CUX1: variants seen among roughly 807,000 people sequenced by gnomAD.
The protein encoded by CUX1 is protein CASP.
In CUX1, 31 loss-of-function variants were observed where a neutral mutation model predicts 158.8. The observed-to-expected ratio is 0.20, with a 90% confidence interval of 0.15 to 0.26. The LOEUF is 0.26. Among genes scored for constraint, CUX1 ranks in the 10% least tolerant of loss-of-function variants. The pLI is 1.00. For synonymous variants in CUX1, 879 were observed against 862.1 expected, an observed-to-expected ratio of 1.02 and a Z score of -0.34; for missense variants, 1,589 against 2,014.6, an observed-to-expected ratio of 0.79 and a Z score of 4.04.
In CUX1 at chr7:101,946,167, G is replaced by C. The variant is rs1014732034; in HGVS notation, c.141+29942G>C. ...ACCAAAACCAGTCTTGGAGCGACAG[G>C]TGGGTCAGACGGCAGCTTTCTCTGG... On this transcript the variant is annotated intron_variant, in intron 2 of 23. Transcript: ENST00000292535. 2.0e-5 allele frequency among the ~76,000 whole-genome samples: 3 copies of C among 152,158 alleles called. No homozygotes were observed. In the East Asian group the frequency reaches 5.8e-4, roughly 29 times the overall value.
intron 18 of CUX1, 137 bp from the exon 19 acceptor site, chr7:102,204,254 G>C: frequency 8.9e-7 from 1 of 1,119,118 alleles, no homozygotes; most frequent in Non-Finnish European, 1.3e-6. Context: ...AGCTGTCACC[G>C]CCACCAGGCC....
At chr7:101,858,826 C>T (rs778789621) in intron 1 of CUX1, among the ~76,000 whole-genome samples, 1 of 151,990 alleles carries the variant, frequency 6.6e-6, no homozygotes, top group Non-Finnish European at 1.5e-5. Context: ...CTACCATGCT[C>T]GGCTAATTTT....
In CUX1 at chr7:102,103,118, C is replaced by G. The variant is rs6957854; in HGVS notation, c.407-1218C>G. 4.3e-3 allele frequency among the ~76,000 whole-genome samples: 654 copies of G among 152,236 alleles called. 4 individuals are homozygous for G. Among genetic ancestry groups the G allele is most frequent in the African/African-American group, 0.015 (636 of 41,546 alleles). On this transcript the variant is annotated intron_variant, in intron 5 of 23. Transcript: ENST00000292535. The stretch of plus-strand genomic sequence containing the variant: ...AAGACAGCCCTGCCTCCCAAGGGGC[C>G]CCTCGCTGCCCCACATCCTTGGTGC...
At position 102,195,696 on chromosome 7, in the gene CUX1, T is replaced by G. The variant is rs1794732956; in HGVS notation, c.1222+93T>G. On this transcript the variant is annotated intron_variant, in intron 14 of 23. Coordinates refer to ENST00000292535, the MANE Select transcript of CUX1 (RefSeq NM_181552.4). Reference sequence around the variant, plus strand: ...AAGGTGAATCGTGAGTCTGGACAGATGCATGGCCAGAGAAGCGCCGGTTGA... The same window carrying G: ...AAGGTGAATCGTGAGTCTGGACAGAGGCATGGCCAGAGAAGCGCCGGTTGA... 6 of 1,156,158 alleles carry G rather than the reference T, an allele frequency of 5.2e-6. No homozygotes were observed. In the South Asian group the frequency reaches 9.0e-5, roughly 17 times the overall value. 71.6% of individuals were successfully genotyped at this position (1,156,158 alleles called of 1,614,324 possible).
chr7:101,897,640 T>C (rs1353771369), intron 1 of CUX1, among the ~76,000 whole-genome samples: 1 of 152,228 alleles, frequency 6.6e-6, no homozygotes, highest in East Asian at 1.9e-4. Flanking sequence ...GCGCAGGTCA[T>C]GGGCAACAGT....
intron 20 of CUX1, among the ~76,000 whole-genome samples, chr7:102,219,214 G>A (rs1403534668): frequency 6.6e-6 from 1 of 152,008 alleles, no homozygotes; most frequent in Non-Finnish European, 1.5e-5. Context: ...GTGTGTGAGA[G>A]AGAGAGAGAA....
chr7:102,228,388 T>C (rs1314151689), intron 21 of CUX1, among the ~76,000 whole-genome samples: 1 of 151,978 alleles, frequency 6.6e-6, no homozygotes, highest in Non-Finnish European at 1.5e-5. Context: ...GCTGGACATG[T>C]TGATGTGCAC....
chr7:102,216,598 CCACA>C lies in CUX1; in HGVS notation c.3131-10755_3131-10752del, dbSNP rs782225410. On this transcript the variant is annotated intron_variant, in intron 20 of 23. Transcript: ENST00000292535. Reference sequence around the variant, plus strand: ...CACACACTCTCCCACACACACACTCCCACACACACACACACACTCCCCACACACA... The same window carrying C: ...CACACACTCTCCCACACACACACTCCCACACACACACACTCCCCACACACA... Among the ~76,000 whole-genome samples, 105 of 29,192 alleles carry C rather than the reference CCACA, an allele frequency of 3.6e-3. 8 individuals carry two copies. Among genetic ancestry groups the C allele is most frequent in the Non-Finnish European group, 5.7e-3 (77 of 13,490 alleles). 19.2% of individuals were successfully genotyped at this position (29,192 alleles called of 152,430 possible).
intron 2 of CUX1, among the ~76,000 whole-genome samples, chr7:101,995,366 T>G (rs1191718389): frequency 6.6e-6 from 1 of 152,232 alleles, no homozygotes; most frequent in Non-Finnish European, 1.5e-5. Flanking sequence ...CATCCTGTTC[T>G]TTCTGTCATT....
chr7:102,044,470 G>A (rs1158137425), intron 3 of CUX1, among the ~76,000 whole-genome samples: 15 of 152,234 alleles, frequency 9.9e-5, no homozygotes, highest in African/African-American at 3.6e-4. Flanking sequence ...GATTACAGGT[G>A]TGAGCCACTG....
At chr7:102,003,479 G>GT (rs1816964728) in intron 2 of CUX1, among the ~76,000 whole-genome samples, 1 of 152,202 alleles carries the variant, frequency 6.6e-6, no homozygotes, top group Admixed American at 6.5e-5. Context: ...TGCATTCATT[G>GT]TTTGCTTTAT....
Position 102,251,242 on chromosome 7 carries a change from T to A in CUX1, c.*2200T>A, listed in dbSNP as rs1250838801. On this transcript the variant is annotated 3_prime_UTR_variant, in exon 24 of 24. Coordinates refer to ENST00000292535, the MANE Select transcript of CUX1 (RefSeq NM_181552.4). ...GTTTAATTAATATTACTTTTTTTTT[T>A]ATTTGGGGGGTGGGAGGGAGTTATA... 1 of 978,910 alleles carries A rather than the reference T, an allele frequency of 1.0e-6. No individual in the cohort carries two copies. The highest frequency in any genetic ancestry group is 1.2e-6 in the Non-Finnish European group (1 of 824,640). The allele number at this position is 978,910 out of a possible 1,614,324, so 60.6% of individuals were successfully genotyped here. A position where few individuals can be genotyped will look rare whatever the true frequency, so the allele number is the denominator to read the frequency against.
At chr7:102,134,736 T>C (rs1278576626) in intron 8 of CUX1, among the ~76,000 whole-genome samples, 2 of 152,166 alleles carry the variant, frequency 1.3e-5, no homozygotes, top group East Asian at 3.9e-4. Context: ...TAGCTGGGAC[T>C]ATAGGCAAGT....
At chr7:102,036,065 G>A (rs1207734487) in intron 3 of CUX1, among the ~76,000 whole-genome samples, 1 of 151,976 alleles carries the variant, frequency 6.6e-6, no homozygotes, top group African/African-American at 2.4e-5. Context: ...GTCCAATCAG[G>A]TTCACATATT....
At chr7:102,083,047 A>AT in intron 4 of CUX1, among the ~76,000 whole-genome samples, 1 of 146,542 alleles carries the variant, frequency 6.8e-6, no homozygotes, top group African/African-American at 2.4e-5. Context: ...TTTTTTATTA[A>AT]TTTTTTTCAT....
At chr7:102,162,741 C>G (rs1003694040) in intron 9 of CUX1, among the ~76,000 whole-genome samples, 1 of 152,166 alleles carries the variant, frequency 6.6e-6, no homozygotes, top group African/African-American at 2.4e-5. Context: ...CTCTTGAACT[C>G]CTGGGCTCAA....
At chr7:102,123,438 T>C (rs923268111) in intron 8 of CUX1, among the ~76,000 whole-genome samples, 11 of 151,016 alleles carry the variant, frequency 7.3e-5, no homozygotes, top group Non-Finnish European at 1.5e-4. Flanking sequence ...TGAAACCCCA[T>C]CTCTACTAAA....
chr7:102,273,496 G>A (rs782452744), intron 15 of CUX1: 31 of 1,609,450 alleles, frequency 1.9e-5, no homozygotes, highest in East Asian at 8.9e-5. Flanking sequence ...ATGCCGAGGT[G>A]AGCCCACCCC....
Position 102,251,590 on chromosome 7 carries a change from T to TAGG in CUX1, c.*2550_*2551insGAG. The TAGG allele has an allele frequency of 4.1e-6, 4 of 985,386 alleles. No homozygotes were observed. The highest frequency in any genetic ancestry group is 3.6e-6 in the Non-Finnish European group (3 of 829,932). 61.0% of individuals were successfully genotyped at this position (985,386 alleles called of 1,614,324 possible). ...GTTCAGGGAGAAGAGAATTCAAAATTAGAGGAGCTTAAGGGGACACGGGTC... is the reference window on the plus strand; with the variant it reads ...GTTCAGGGAGAAGAGAATTCAAAATTAGGAGAGGAGCTTAAGGGGACACGGGTC... On this transcript the variant is annotated 3_prime_UTR_variant, in exon 24 of 24. Transcript: ENST00000292535.
Sources: allele counts gnomAD v4.1 joint callset (sites outside exome capture counted in the v4.1 genomes callset), GRCh38; gene constraint gnomAD v4.1.1; transcripts MANE v1.5; gene names NCBI Gene and HGNC (gene_info 2026-07-23, HGNC 2026-07-21).